SENP6: variants seen among roughly 807,000 people sequenced by gnomAD.
SENP6 encodes SUMO specific peptidase 6, also known as sentrin-specific protease 6.
SENP6 carries 41 observed loss-of-function variants against 134.5 expected under a neutral mutation model. The ratio of observed to expected loss-of-function variants is 0.30; its 90% confidence interval spans 0.24 to 0.40. SENP6 has a LOEUF of 0.40. Ranked by LOEUF, SENP6 falls within the 10% of genes least tolerant of loss-of-function variation. The pLI is 1.00. For synonymous variants in SENP6, 395 were observed against 429.8 expected (o/e 0.92, Z 1.00); for missense variants, 1,248 against 1,312.5 (o/e 0.95, Z 0.76).
In SENP6 at chr6:75,652,696, A is replaced by AAAAAAAAAAAAAAAAAAG. The variant is rs796549538; in HGVS notation, c.550+4902_550+4903insAAAAAAAAAAGAAAAAAA. On this transcript the variant is annotated intron_variant, in intron 7 of 23. Coordinates refer to ENST00000447266, the MANE Select transcript of SENP6 (RefSeq NM_015571.4). Reference sequence around the variant, plus strand: ...TACTAAAAATCTCAAAAAAAAAAAAAAAAAAAAGAAAAAGAAAAAAAATGC... The same window carrying AAAAAAAAAAAAAAAAAAG: ...TACTAAAAATCTCAAAAAAAAAAAAAAAAAAAAAAAAAAAAAAGAAAAAAAGAAAAAGAAAAAAAATGC... Among the ~76,000 whole-genome samples the AAAAAAAAAAAAAAAAAAG allele has an allele frequency of 7.4e-5, 11 of 148,802 alleles. No individual in the cohort carries two copies. In the East Asian group the frequency reaches 1.7e-3, roughly 23 times the overall value.
intron 3 of SENP6, among the ~76,000 whole-genome samples, chr6:75,625,830 C>T (rs1029230309): frequency 8.5e-5 from 13 of 152,164 alleles, no homozygotes; most frequent in Non-Finnish European, 1.9e-4. Flanking sequence ...GATTGCGCCA[C>T]TGCACTCCAG....
At chr6:75,619,114 C>T (rs935625185) in intron 1 of SENP6, among the ~76,000 whole-genome samples, 4 of 151,024 alleles carry the variant, frequency 2.6e-5, no homozygotes, top group Non-Finnish European at 4.4e-5. Flanking sequence ...TATATTTATG[C>T]AGTTCATTGG....
intron 23 of SENP6, among the ~76,000 whole-genome samples, chr6:75,715,033 A>G (rs1775953348): frequency 6.6e-6 from 1 of 152,210 alleles, no homozygotes; most frequent in Non-Finnish European, 1.5e-5. Flanking sequence ...AGGCTTTGCA[A>G]CTGTGCAGTC....
intron 1 of SENP6, among the ~76,000 whole-genome samples, chr6:75,618,790 CTTT>C (rs1768042737): frequency 6.6e-6 from 1 of 152,150 alleles, no homozygotes; most frequent in Non-Finnish European, 1.5e-5. Flanking sequence ...TTTGTAACTT[CTTT>C]ATTTGACAGG....
chr6:75,656,993 C>G (rs1771391251), intron 7 of SENP6, among the ~76,000 whole-genome samples: 1 of 152,014 alleles, frequency 6.6e-6, no homozygotes. Flanking sequence ...ATTACATAAT[C>G]AGGATGAAAT....
intron 10 of SENP6, 91 bp from the exon 11 acceptor site, chr6:75,670,461 AT>A: frequency 1.2e-6 from 1 of 806,690 alleles, no homozygotes; most frequent in Non-Finnish European, 1.9e-6. Context: ...TGATATTTAC[AT>A]TTCTTATATT....
At chr6:75,695,036 G>A (rs1195557996) in intron 16 of SENP6, among the ~76,000 whole-genome samples, 2 of 151,736 alleles carry the variant, frequency 1.3e-5, no homozygotes, top group Non-Finnish European at 2.9e-5. Flanking sequence ...CACCACACCC[G>A]GCTAAATTTT....
intron 21 of SENP6, among the ~76,000 whole-genome samples, chr6:75,712,999 C>T (rs1416136558): frequency 6.6e-6 from 1 of 152,006 alleles, no homozygotes; most frequent in Non-Finnish European, 1.5e-5. Context: ...TACAGCTCCT[C>T]AGGAGGCTGA....
chr6:75,713,730 G>A lies in SENP6; in HGVS notation c.3034G>A (p.Asp1012Asn). The A allele has an allele frequency of 6.2e-7, 1 of 1,613,348 alleles. No individual in the cohort carries two copies. ...KKGSKRSFSK[D>N]VMKGSNPKVP... ...AGGAAGCAAAAGAAGTTTTTCCAAA[G>A]ATGTTATGAAGGGCTCTAATCCAAA... Residue 1012 changes from aspartate to asparagine, a missense_variant, in exon 23 of 24, where the codon GAT becomes AAT. Asp to Asn is a conservative substitution (Grantham distance 23). Transcript: ENST00000447266.
intron 3 of SENP6, among the ~76,000 whole-genome samples, chr6:75,629,022 G>A (rs1035985273): frequency 6.6e-6 from 1 of 152,140 alleles, no homozygotes; most frequent in Non-Finnish European, 1.5e-5. Flanking sequence ...ACTGTGCCTG[G>A]CCACAGTTCT....
chr6:75,691,389 C>T (rs1019759843), intron 16 of SENP6, among the ~76,000 whole-genome samples: 1 of 152,128 alleles, frequency 6.6e-6, no homozygotes, highest in Non-Finnish European at 1.5e-5. Flanking sequence ...CCACTGTGCC[C>T]AGCCCAAAAT....
chr6:75,618,063 G>C (rs942348619), intron 1 of SENP6, among the ~76,000 whole-genome samples: 7 of 152,164 alleles, frequency 4.6e-5, no homozygotes, highest in Non-Finnish European at 8.8e-5. Flanking sequence ...ATGATCACTT[G>C]GCTGAGGTAG....
At chr6:75,640,551 A>G (rs1369739277) in intron 5 of SENP6, 133 bp from the exon 6 acceptor site, 2 of 369,446 alleles carry the variant, frequency 5.4e-6, no homozygotes, top group Non-Finnish European at 9.8e-6. Flanking sequence ...AGTATATTAT[A>G]TATATATAAT....
intron 9 of SENP6, among the ~76,000 whole-genome samples, chr6:75,664,387 C>T (rs1772030101): frequency 1.3e-5 from 2 of 151,848 alleles, no homozygotes; most frequent in African/African-American, 4.8e-5. Flanking sequence ...TACATGTACA[C>T]ACATACGTCT....
intron 1 of SENP6, among the ~76,000 whole-genome samples, chr6:75,619,868 G>A (rs527737262): frequency 6.6e-6 from 1 of 152,192 alleles, no homozygotes; most frequent in Non-Finnish European, 1.5e-5. Context: ...AGGCAGGGAG[G>A]ATGGATTGAG....
intron 6 of SENP6, among the ~76,000 whole-genome samples, chr6:75,646,285 A>G (rs1052862835): frequency 3.2e-4 from 49 of 152,122 alleles, no homozygotes; most frequent in African/African-American, 1.2e-3. Flanking sequence ...ACAAATTTCA[A>G]ATTTTTCAGT....
chr6:75,663,248 A>G lies in SENP6; in HGVS notation c.724A>G (p.Ile242Val), dbSNP rs1771918893. The G allele has an allele frequency of 5.6e-6, 9 of 1,612,742 alleles. No homozygotes were observed. Among genetic ancestry groups the G allele is most frequent in the Non-Finnish European group, 4.2e-6 (5 of 1,179,612 alleles). The change falls in exon 9 of 24, where the codon ATT becomes GTT. Residue 242 changes from isoleucine to valine, a missense_variant. Ile to Val is a conservative substitution (Grantham distance 29). Transcript: ENST00000447266. ...EDLQRNCRQA[I>V]TLNESTGPLL... is the part of the protein sequence containing the mutation. ...TTTGCAAAGAAATTGCAGACAAGCT[A>G]TTACTTTGAATGAGTCTACTGGACC...
chr6:75,614,056 G>T (rs78895036), intron 1 of SENP6, among the ~76,000 whole-genome samples: 1 of 151,946 alleles, frequency 6.6e-6, no homozygotes, highest in Non-Finnish European at 1.5e-5. Context: ...CCCAATTTGC[G>T]TTTATCTGAT....
At chr6:75,633,487 T>G in intron 3 of SENP6, 94 bp from the exon 4 acceptor site, 1 of 1,039,352 alleles carries the variant, frequency 9.6e-7, no homozygotes, top group Non-Finnish European at 1.4e-6. Flanking sequence ...AATAGCTGTA[T>G]GTTTTTACTA....
Sources: allele counts gnomAD v4.1 joint callset (sites outside exome capture counted in the v4.1 genomes callset), GRCh38; gene constraint gnomAD v4.1.1; transcripts MANE v1.5; gene names NCBI Gene and HGNC (gene_info 2026-07-23, HGNC 2026-07-21).